The following C18orf54 variants were observed in gnomAD, a reference collection of about 807,000 sequenced individuals.
The protein encoded by C18orf54 is lung adenoma susceptibility protein 2.
Under a neutral mutation model 49.3 loss-of-function variants are expected in C18orf54, and 49 were observed. That is an observed-to-expected ratio of 0.99 (90% CI 0.79 to 1.26). The LOEUF is 1.26. Ranked by LOEUF, C18orf54 falls within the 50% of genes most tolerant of loss-of-function variation. The pLI, the probability that C18orf54 is intolerant of heterozygous loss-of-function variation, is 0.00. For missense variants in C18orf54, 687 were observed against 620.6 expected (o/e 1.11, Z -1.14); for synonymous variants, 211 against 216.6 (o/e 0.97, Z 0.23).
chr18:54,362,050 C>G lies in C18orf54; in HGVS notation c.691C>G (p.His231Asp). The G allele has an allele frequency of 6.4e-7, 1 of 1,565,060 alleles. No individual in the cohort carries two copies. Among genetic ancestry groups the G allele is most frequent in the Admixed American group, 1.9e-5 (1 of 53,626 alleles). ...ATCGTCTTTCAAGGACAGTTCAGAA[C>G]ACAGTCTTGAAAAGAATTACCCAAG... Reference protein sequence around the residue: ...KKSSFKDSSEHSLEKNYPRWL... With the variant: ...KKSSFKDSSEDSLEKNYPRWL... Residue 231 changes from histidine to aspartate, a missense_variant, in exon 4 of 9, where the codon CAC becomes GAC. Coordinates refer to ENST00000620105, the MANE Select transcript of C18orf54 (RefSeq NM_001288980.2).
intron 5 of C18orf54, 151 bp from the exon 6 acceptor site, chr18:54,365,568 A>G: frequency 2.2e-6 from 1 of 449,064 alleles, no homozygotes; most frequent in East Asian, 3.3e-5. Flanking sequence ...AGATAAGGGA[A>G]TTACCATACA....
chr18:54,363,581 G>A (rs930643500), intron 5 of C18orf54, among the ~76,000 whole-genome samples: 4 of 152,120 alleles, frequency 2.6e-5, no homozygotes, highest in Non-Finnish European at 5.9e-5. Flanking sequence ...CTCCCAAAGT[G>A]CTGGGATTAC....
intron 3 of C18orf54, among the ~76,000 whole-genome samples, chr18:54,361,197 G>A (rs766698187): frequency 5.3e-5 from 8 of 152,116 alleles, no homozygotes; most frequent in East Asian, 3.8e-4. Context: ...AATATATTCC[G>A]GAAGCAAAGA....
At chr18:54,367,153 G>A (rs149232040) in intron 6 of C18orf54, among the ~76,000 whole-genome samples, 13 of 152,114 alleles carry the variant, frequency 8.5e-5, no homozygotes, top group South Asian at 2.1e-4. Flanking sequence ...GTTTGTTCAC[G>A]TTCAAGGTTA....
intron 3 of C18orf54, 139 bp from the exon 4 acceptor site, chr18:54,361,504 C>A: frequency 1.4e-6 from 1 of 704,114 alleles, no homozygotes; most frequent in South Asian, 2.5e-5. Context: ...CCACCTACAC[C>A]TTTTTATGCT....
In C18orf54 at chr18:54,362,360, G is replaced by T; in HGVS notation, c.1001G>T (p.Cys334Phe). 1 of 1,535,758 alleles carries T rather than the reference G, an allele frequency of 6.5e-7. No homozygotes were observed. Among genetic ancestry groups the T allele is most frequent in the Non-Finnish European group, 8.7e-7 (1 of 1,146,704 alleles). Reference sequence around the variant, plus strand: ...AAAGAATTAGTTAATGAATACAAATGTGATTTTGAACATAGCCAGTGTCAA... The same window carrying T: ...AAAGAATTAGTTAATGAATACAAATTTGATTTTGAACATAGCCAGTGTCAA... ...DDKELVNEYK[C>F]DFEHSQCQCE... The change falls in exon 4 of 9, where the codon TGT (cysteine) becomes TTT (phenylalanine). Residue 334 changes from cysteine to phenylalanine, a missense_variant. By Grantham distance (205) the Cys-to-Phe change is radical. Transcript: ENST00000620105.
At chr18:54,365,362 T>G (rs2089360818) in intron 5 of C18orf54, among the ~76,000 whole-genome samples, 1 of 152,016 alleles carries the variant, frequency 6.6e-6, no homozygotes, top group Non-Finnish European at 1.5e-5. Flanking sequence ...TGTTGATTAT[T>G]AGATGGTAAC....
chr18:54,374,371 T>G, intron 8 of C18orf54, 87 bp downstream of exon 8: 2 of 1,381,676 alleles, frequency 1.4e-6, no homozygotes, highest in Non-Finnish European at 9.6e-7. Context: ...GTAAGTAGTT[T>G]TAAGAGTAGC....
chr18:54,362,844 C>G lies in C18orf54; in HGVS notation c.1146C>G (p.Ser382=), dbSNP rs1000420860. Reference sequence around the variant, plus strand: ...AGTGTACTGAAGAATTACCAAAGTCCATGAAAAAGGATGACAGTCCTTGCT... The same window carrying G: ...AGTGTACTGAAGAATTACCAAAGTCGATGAAAAAGGATGACAGTCCTTGCT... The part of the protein sequence containing the change: ...LEQCTEELPK[S]MKKDDSPCSL... The change falls in exon 5 of 9, where the codon TCC becomes TCG. Residue 382 remains serine, a synonymous_variant. Coordinates refer to ENST00000620105, the MANE Select transcript of C18orf54 (RefSeq NM_001288980.2). The G allele has an allele frequency of 6.2e-7, 1 of 1,612,030 alleles. No homozygotes were observed. Among genetic ancestry groups the G allele is most frequent in the Non-Finnish European group, 8.5e-7 (1 of 1,179,444 alleles).
chr18:54,361,115 A>G (rs1221454873), intron 3 of C18orf54, among the ~76,000 whole-genome samples: 1 of 152,218 alleles, frequency 6.6e-6, no homozygotes, highest in East Asian at 1.9e-4. Flanking sequence ...GTCAATTACT[A>G]CTTTACTTAA....
rs1452077879 is a variant in C18orf54 at position 54,361,627 on chromosome 18, GTTC to G, written c.284-12_284-10del. 6.4e-6 allele frequency: 10 copies of G among 1,563,970 alleles called. No homozygotes were observed. The highest frequency in any genetic ancestry group is 1.2e-5 in the South Asian group (1 of 82,802). The stretch of plus-strand genomic sequence containing the variant: ...ATATTTGTATGTAATAAACAAAACT[GTTC>G]TTCGTTTTTCAGCTTTTGAAAACCT... On this transcript the variant is annotated splice_polypyrimidine_tract_variant and intron_variant, in intron 3 of 8. Transcript: ENST00000620105.
chr18:54,364,845 A>T (rs966368791), intron 5 of C18orf54, among the ~76,000 whole-genome samples: 1 of 152,102 alleles, frequency 6.6e-6, no homozygotes, highest in Admixed American at 6.5e-5. Context: ...AAGCATGCTT[A>T]TTAAGAAAAA....
At chr18:54,377,685 A>T (rs2089599161) in intron 8 of C18orf54, among the ~76,000 whole-genome samples, 1 of 152,224 alleles carries the variant, frequency 6.6e-6, no homozygotes, top group South Asian at 2.1e-4. Context: ...TGATCAATAA[A>T]AATGAGTTTT....
intron 8 of C18orf54, among the ~76,000 whole-genome samples, chr18:54,375,700 A>T (rs1317054275): frequency 6.6e-6 from 1 of 151,998 alleles, no homozygotes; most frequent in Admixed American, 6.6e-5. Context: ...TTTTTTTAAT[A>T]GTAACTTTTT....
chr18:54,360,195 C>CATAAGTGAT (rs1392651947), intron 2 of C18orf54, among the ~76,000 whole-genome samples: 2 of 152,048 alleles, frequency 1.3e-5, no homozygotes, highest in Non-Finnish European at 2.9e-5. Context: ...AATATATCAC[C>CATAAGTGAT]ATAAGAGAAA....
chr18:54,376,587 GCCT>G (rs2089574722), intron 8 of C18orf54, among the ~76,000 whole-genome samples: 2 of 152,316 alleles, frequency 1.3e-5, no homozygotes, highest in South Asian at 4.1e-4. Context: ...ACCCACCTCG[GCCT>G]CCCAAAGTGC....
In C18orf54 at chr18:54,381,321, A is replaced by G. The variant is rs1327569817; in HGVS notation, c.*3075A>G. ...GTATTCTGCATTGTCCTTACCCTAG[A>G]TCAGCCCCTTCTGTGTTAACAGTTT... On this transcript the variant is annotated 3_prime_UTR_variant, in exon 9 of 9. Coordinates refer to ENST00000620105, the MANE Select transcript of C18orf54 (RefSeq NM_001288980.2). 9 of 89,918 alleles carry G rather than the reference A, an allele frequency of 1.0e-4. No individual in the cohort carries two copies. In the Admixed American group the frequency reaches 1.1e-3, roughly 11 times the overall value. The allele number at this position is 89,918 out of a possible 1,614,324, so 5.6% of individuals were successfully genotyped here.
At chr18:54,374,419 T>TTAAG (rs2144751705) in intron 8 of C18orf54, 135 bp downstream of exon 8, 1 of 811,076 alleles carries the variant, frequency 1.2e-6, no homozygotes, top group Non-Finnish European at 1.6e-6. Flanking sequence ...AGCACACTGT[T>TTAAG]TACACTAAAA....
chr18:54,378,213 T>A lies in C18orf54; in HGVS notation c.1569T>A (p.Asp523Glu). Residue 523 changes from aspartate to glutamate, a missense_variant, in exon 9 of 9, where the codon GAT becomes GAA. By Grantham distance (45) the Asp-to-Glu change is conservative (BLOSUM62 2). Transcript: ENST00000620105. ...HHLSRLRDLV[D>E]DTNGERSPKM ...TATCTCGCCTGAGAGACCTGGTTGA[T>A]GATACGAATGGAGAACGGTCACCGA... The A allele has an allele frequency of 6.2e-7, 1 of 1,613,696 alleles. No homozygotes were observed. Among genetic ancestry groups the A allele is most frequent in the South Asian group, 1.1e-5 (1 of 91,010 alleles).
Sources: allele counts gnomAD v4.1 joint callset (sites outside exome capture counted in the v4.1 genomes callset), GRCh38; gene constraint gnomAD v4.1.1; transcripts MANE v1.5; gene names NCBI Gene and HGNC (gene_info 2026-07-23, HGNC 2026-07-21).